Variants in SPON1 observed in about 807,000 individuals in gnomAD.
SPON1 encodes spondin 1, also known as spondin-1.
Under a neutral mutation model 111.7 loss-of-function variants are expected in SPON1, and 52 were observed. The observed-to-expected ratio is 0.47, with a 90% confidence interval of 0.37 to 0.59. The LOEUF (loss-of-function observed/expected upper bound fraction) is 0.59. Among genes scored for constraint, SPON1 ranks in the 20% least tolerant of loss-of-function variants. SPON1 has a pLI of 0.00. For synonymous variants in SPON1, 410 were observed against 395.8 expected, an observed-to-expected ratio of 1.04 and a Z score of -0.43; for missense variants, 957 against 1,068.5, an observed-to-expected ratio of 0.90 and a Z score of 1.46.
At chr11:13,981,619 C>T (rs1175498451) in intron 1 of SPON1, among the ~76,000 whole-genome samples, 6 of 152,176 alleles carry the variant, frequency 3.9e-5, no homozygotes, top group Admixed American at 6.5e-5. Context: ...AGCCACCGTG[C>T]CCGGCCGAGC....
intron 6 of SPON1, among the ~76,000 whole-genome samples, chr11:14,139,862 T>A (rs538677194): frequency 6.6e-6 from 1 of 151,864 alleles, no homozygotes; most frequent in African/African-American, 2.4e-5. Context: ...AAGACAAGTG[T>A]AGGGGAAAAT....
intron 2 of SPON1, among the ~76,000 whole-genome samples, chr11:14,034,176 A>G (rs930072578): frequency 3.9e-5 from 6 of 152,324 alleles, no homozygotes; most frequent in Admixed American, 6.5e-5. Flanking sequence ...CTCTTCATCT[A>G]AAGTAATACA....
At chr11:14,260,547 A>C (rs781957137) in intron 13 of SPON1, 41 bp from the exon 14 acceptor site, 3 of 1,590,932 alleles carry the variant, frequency 1.9e-6, no homozygotes, top group Non-Finnish European at 2.6e-6. Flanking sequence ...ACGAAAACAA[A>C]AGGAACCTGT....
chr11:14,009,293 C>G (rs1848387107), intron 2 of SPON1, among the ~76,000 whole-genome samples: 1 of 152,228 alleles, frequency 6.6e-6, no homozygotes, highest in Non-Finnish European at 1.5e-5. Flanking sequence ...ATCTCTCCAC[C>G]TCATCTTGTG....
intron 6 of SPON1, among the ~76,000 whole-genome samples, chr11:14,161,924 G>A (rs1554931395): frequency 6.6e-6 from 1 of 151,640 alleles, no homozygotes; most frequent in Non-Finnish European, 1.5e-5. Context: ...AGGCCAAGGT[G>A]GGGCAGATCA....
rs1300692902 is a variant in SPON1, at chr11:14,233,909, C to T, written c.826-9423C>T. On this transcript the variant is annotated intron_variant, in intron 6 of 15. Coordinates refer to ENST00000576479, the MANE Select transcript of SPON1 (RefSeq NM_006108.4). ...TCCCAAGTAGCTGGGATTACAGGTG[C>T]CCGCCACCATGCCCAGCTAATTTTT... Among the ~76,000 whole-genome samples the T allele has an allele frequency of 2.0e-5, 3 of 151,908 alleles. No individual in the cohort carries two copies. In the East Asian group the frequency reaches 5.8e-4, roughly 29 times the overall value.
rs1368508517 is a variant in SPON1, at chr11:14,086,513, A to G, written c.676+6492A>G. Among the ~76,000 whole-genome samples, 3 of 152,156 alleles carry G rather than the reference A, an allele frequency of 2.0e-5. No homozygotes were observed. The East Asian group carries it at 5.8e-4, about 29-fold the overall frequency. On this transcript the variant is annotated intron_variant, in intron 5 of 15. Transcript: ENST00000576479. ...TATGAAGCCGACTTGATCATGGTGGATAAGCTTTTTGATGTGCTGCTGGAT... is the reference window on the plus strand; with the variant it reads ...TATGAAGCCGACTTGATCATGGTGGGTAAGCTTTTTGATGTGCTGCTGGAT...
intron 6 of SPON1, among the ~76,000 whole-genome samples, chr11:14,157,529 G>A (rs1187735529): frequency 6.6e-6 from 1 of 152,022 alleles, no homozygotes; most frequent in Non-Finnish European, 1.5e-5. Context: ...TATATTTATT[G>A]TTTTTGAGAT....
At chr11:13,963,334 C>A (rs1554907724) in intron 1 of SPON1, among the ~76,000 whole-genome samples, 192 bp downstream of exon 1, 1 of 152,268 alleles carries the variant, frequency 6.6e-6, no homozygotes, top group African/African-American at 2.4e-5. Flanking sequence ...TCCAGCGTCC[C>A]GGGCCGTCGC....
chr11:14,131,321 T>C (rs1847527037), intron 5 of SPON1, among the ~76,000 whole-genome samples: 1 of 152,218 alleles, frequency 6.6e-6, no homozygotes, highest in Non-Finnish European at 1.5e-5. Flanking sequence ...CCTCAGTTTC[T>C]TCGTATGTAA....
intron 6 of SPON1, among the ~76,000 whole-genome samples, chr11:14,147,401 G>T (rs938070901): frequency 4.0e-5 from 6 of 151,650 alleles, no homozygotes. Context: ...GATCATAAAA[G>T]GTTAATGAAG....
chr11:14,178,351 G>A (rs1194862217), intron 6 of SPON1, among the ~76,000 whole-genome samples: 4 of 151,442 alleles, frequency 2.6e-5, no homozygotes, highest in South Asian at 2.1e-4. Flanking sequence ...GAACACAGGA[G>A]GCAGAGCTTG....
chr11:14,048,967 T>G (rs1848688983), intron 3 of SPON1, among the ~76,000 whole-genome samples: 1 of 152,176 alleles, frequency 6.6e-6, no homozygotes, highest in African/African-American at 2.4e-5. Context: ...AAACAGTGGT[T>G]GGTAAAAGGC....
At chr11:14,210,525 A>G (rs1301693951) in intron 6 of SPON1, among the ~76,000 whole-genome samples, 1 of 151,970 alleles carries the variant, frequency 6.6e-6, no homozygotes, top group Non-Finnish European at 1.5e-5. Flanking sequence ...CAGCCTCCCG[A>G]GTAGCTGGGA....
rs1849276573 is a variant in SPON1 at position 14,266,852 on chromosome 11, T to C, written c.*1165T>C. 1 of 152,108 alleles carries C rather than the reference T, an allele frequency of 6.6e-6. No individual in the cohort carries two copies. The highest frequency in any genetic ancestry group is 1.5e-5 in the Non-Finnish European group (1 of 68,028). The allele number at this position is 152,108 out of a possible 1,614,324, so 9.4% of individuals were successfully genotyped here. ...TCAGTGCTCCACACCAGGGCTGTGGTCCTCCCAGACATGCATAGGAATGGC... is the reference window on the plus strand; with the variant it reads ...TCAGTGCTCCACACCAGGGCTGTGGCCCTCCCAGACATGCATAGGAATGGC... On this transcript the variant is annotated 3_prime_UTR_variant, in exon 16 of 16. Coordinates refer to ENST00000576479, the MANE Select transcript of SPON1 (RefSeq NM_006108.4).
At chr11:14,132,640 G>A (rs1280337163) in intron 5 of SPON1, among the ~76,000 whole-genome samples, 5 of 152,182 alleles carry the variant, frequency 3.3e-5, no homozygotes, top group African/African-American at 4.8e-5. Context: ...TCCAGGGCCC[G>A]CCACTGTGCT....
In SPON1 at chr11:13,962,958, CCTGGCG is replaced by C. The variant is rs782635775; in HGVS notation, c.58_63del (p.Ala20_Leu21del). The stretch of plus-strand genomic sequence containing the variant: ...TGAGCCGGACTCCGGCACTGCTGGC[CCTGGCG>C]CTGCCCCTGGCCGCGGCGCTGGCCT... On this transcript the variant is annotated inframe_deletion, in exon 1 of 16. Coordinates refer to ENST00000576479, the MANE Select transcript of SPON1 (RefSeq NM_006108.4). 3.7e-5 allele frequency: 59 copies of C among 1,589,184 alleles called. No individual in the cohort carries two copies. Among genetic ancestry groups the C allele is most frequent in the Non-Finnish European group, 4.4e-5 (51 of 1,169,762 alleles).
intron 5 of SPON1, among the ~76,000 whole-genome samples, chr11:14,115,391 A>T (rs1849259522): frequency 6.6e-6 from 1 of 152,228 alleles, no homozygotes. Context: ...TCTTAAAATG[A>T]CTAGGACTCC....
In SPON1 at chr11:14,064,181, C is replaced by A. The variant is rs182771311; in HGVS notation, c.480-11164C>A. On this transcript the variant is annotated intron_variant, in intron 3 of 15. Transcript: ENST00000576479. ...CCACCAGGGAATAACAAGGTTCCTA[C>A]CCTCAAAAAGCTTGGAATTCAGGCA... 2.1e-4 allele frequency among the ~76,000 whole-genome samples: 32 copies of A among 152,286 alleles called. No individual in the cohort carries two copies. In the East Asian group the frequency reaches 6.0e-3, roughly 28 times the overall value.
Sources: allele counts gnomAD v4.1 joint callset (sites outside exome capture counted in the v4.1 genomes callset), GRCh38; gene constraint gnomAD v4.1.1; transcripts MANE v1.5; gene names NCBI Gene and HGNC (gene_info 2026-07-23, HGNC 2026-07-21).